The following KIAA0319 variants were observed in gnomAD, a reference collection of about 807,000 sequenced individuals.
The protein encoded by KIAA0319 is dyslexia-associated protein KIAA0319.
KIAA0319 carries 83 observed loss-of-function variants against 108.4 expected under a neutral mutation model. That is an observed-to-expected ratio of 0.77 (90% CI 0.64 to 0.92). The LOEUF (loss-of-function observed/expected upper bound fraction) is 0.92, where lower values mean the gene tolerates loss of function less well. Among genes scored for constraint, KIAA0319 ranks in the 40% least tolerant of loss-of-function variants. KIAA0319 has a pLI of 0.00. For synonymous variants in KIAA0319, 484 were observed against 510.4 expected, an observed-to-expected ratio of 0.95 and a Z score of 0.70; for missense variants, 1,195 against 1,322.4, an observed-to-expected ratio of 0.90 and a Z score of 1.49.
At chr6:24,580,626 G>A (rs535976946) in intron 7 of KIAA0319, among the ~76,000 whole-genome samples, 9 of 152,260 alleles carry the variant, frequency 5.9e-5, no homozygotes, top group South Asian at 2.1e-4. Flanking sequence ...GCTGAATCAC[G>A]GAGAGTGGAG....
chr6:24,541,054 C>T (rs910938012), downstream of KIAA0319, among the ~76,000 whole-genome samples: 3 of 152,152 alleles, frequency 2.0e-5, no homozygotes, highest in Non-Finnish European at 2.9e-5. Flanking sequence ...CTAGGAAATC[C>T]CTGGCAGTAC....
At chr6:24,568,599 C>T (rs901940792) in intron 13 of KIAA0319, among the ~76,000 whole-genome samples, 182 bp downstream of exon 13, 2 of 152,164 alleles carry the variant, frequency 1.3e-5, no homozygotes, top group African/African-American at 4.8e-5. Context: ...TTGCAGAGGG[C>T]GACTGAGAAA....
In KIAA0319 at chr6:24,544,834, G is replaced by C. The variant is rs1760439713; in HGVS notation, c.*2331C>G. On this transcript the variant is annotated 3_prime_UTR_variant, in exon 21 of 21. Coordinates refer to ENST00000378214, the MANE Select transcript of KIAA0319 (RefSeq NM_014809.4). ...CTCGTGCTTTGTTCTGATGAGAAAT[G>C]GGGTGACAAGACAGGACTCACTTTC... 6.6e-6 allele frequency: 1 copy of C among 152,150 alleles called. No individual in the cohort carries two copies. The highest frequency in any genetic ancestry group is 1.5e-5 in the Non-Finnish European group (1 of 68,038). 9.4% of individuals were successfully genotyped at this position (152,150 alleles called of 1,614,324 possible).
At position 24,583,781 on chromosome 6, in the gene KIAA0319, T is replaced by C. The variant is rs990023151; in HGVS notation, c.995-79A>G. On this transcript the variant is annotated intron_variant, in intron 4 of 20. Transcript: ENST00000378214. Reference sequence around the variant, plus strand: ...TACTGCTCTACACTAGATCTGTTTTTGGTATCCATAAATTAAAATAACATA... The same window carrying C: ...TACTGCTCTACACTAGATCTGTTTTCGGTATCCATAAATTAAAATAACATA... The C allele has an allele frequency of 5.0e-5, 45 of 891,642 alleles. No individual in the cohort carries two copies. The Admixed American group carries it at 8.7e-4, about 17-fold the overall frequency. 55.2% of individuals were successfully genotyped at this position (891,642 alleles called of 1,614,324 possible). A position where few individuals can be genotyped will look rare whatever the true frequency, so the allele number is the denominator to read the frequency against.
At chr6:24,628,751 G>A (rs1365167760) in intron 1 of KIAA0319, among the ~76,000 whole-genome samples, 5 of 152,060 alleles carry the variant, frequency 3.3e-5, no homozygotes, top group Non-Finnish European at 7.4e-5. Context: ...TCTGATGGTG[G>A]CCGTCAATCC....
chr6:24,602,067 C>T (rs886724252), intron 1 of KIAA0319, among the ~76,000 whole-genome samples: 10 of 150,820 alleles, frequency 6.6e-5, no homozygotes, highest in South Asian at 4.2e-4. Flanking sequence ...ATCCAGGTTG[C>T]AGTGCAGTGG....
At chr6:24,582,386 A>C in intron 5 of KIAA0319, 40 bp from the exon 6 acceptor site, 1 of 1,196,668 alleles carries the variant, frequency 8.4e-7, no homozygotes, top group Non-Finnish European at 1.2e-6. Flanking sequence ...ATAAATTCTG[A>C]GAGGACACTA....
At chr6:24,632,145 T>C (rs551962921) in intron 1 of KIAA0319, among the ~76,000 whole-genome samples, 24 of 152,368 alleles carry the variant, frequency 1.6e-4, no homozygotes, top group Admixed American at 5.9e-4. Flanking sequence ...GGAAAGAAGG[T>C]AGAATATTGT....
chr6:24,570,469 T>C (rs1581983751), intron 11 of KIAA0319, among the ~76,000 whole-genome samples: 1 of 151,820 alleles, frequency 6.6e-6, no homozygotes, highest in Non-Finnish European at 1.5e-5. Context: ...GCGCCTGTAG[T>C]CCCAGCCACT....
chr6:24,580,922 T>A lies in KIAA0319; in HGVS notation c.1279+4A>T, dbSNP rs374538160. ...CAGGAGGTCATTCTCTTACACCGGC[T>A]TACCAGGCTTAACAGTGACATTGAC... On this transcript the variant is annotated splice_donor_region_variant and intron_variant, in intron 7 of 20. Coordinates refer to ENST00000378214, the MANE Select transcript of KIAA0319 (RefSeq NM_014809.4). 2 of 1,600,218 alleles carry A rather than the reference T, an allele frequency of 1.2e-6. No individual in the cohort carries two copies. The highest frequency in any genetic ancestry group is 1.7e-6 in the Non-Finnish European group (2 of 1,167,898).
chr6:24,553,294 T>TAC lies in KIAA0319; in HGVS notation c.2948+1245_2948+1246dup, dbSNP rs71544276. Among the ~76,000 whole-genome samples the TAC allele has an allele frequency of 9.2e-3, 835 of 91,054 alleles. 11 individuals carry two copies. Among genetic ancestry groups the TAC allele is most frequent in the East Asian group, 0.027 (92 of 3,470 alleles). The allele number at this position is 91,054 out of a possible 152,430, so 59.7% of individuals were successfully genotyped here. On this transcript the variant is annotated intron_variant, in intron 19 of 20. Transcript: ENST00000378214. ...AGATAGATATATATATATATATATA[T>TAC]ACACACACACACACACACACACACA... is the stretch of plus-strand genomic sequence containing the variant.
At chr6:24,631,812 A>C (rs1472874203) in intron 1 of KIAA0319, among the ~76,000 whole-genome samples, 1 of 152,228 alleles carries the variant, frequency 6.6e-6, no homozygotes, top group Non-Finnish European at 1.5e-5. Flanking sequence ...AACATGCCCC[A>C]AGGAAGGCTA....
At chr6:24,556,259 C>A (rs1395896433) in intron 18 of KIAA0319, among the ~76,000 whole-genome samples, 1 of 150,532 alleles carries the variant, frequency 6.6e-6, no homozygotes, top group African/African-American at 2.4e-5. Context: ...CCACTCACTG[C>A]AGACTCAACT....
rs2127464407 is a variant in KIAA0319, at chr6:24,572,707, T to C, written c.1735-9A>G. The C allele has an allele frequency of 6.3e-7, 1 of 1,588,622 alleles. No individual in the cohort carries two copies. Among genetic ancestry groups the C allele is most frequent in the South Asian group, 1.2e-5 (1 of 86,520 alleles). On this transcript the variant is annotated splice_polypyrimidine_tract_variant and intron_variant, in intron 10 of 20. Transcript: ENST00000378214. Reference sequence around the variant, plus strand: ...TATGGCGTCTGTACTCCCTAAGTAATAGCAAATACAAAAATAAAAACAAAA... The same window carrying C: ...TATGGCGTCTGTACTCCCTAAGTAACAGCAAATACAAAAATAAAAACAAAA...
intron 1 of KIAA0319, among the ~76,000 whole-genome samples, chr6:24,636,800 TTTC>T (rs1776265417): frequency 6.6e-6 from 1 of 152,210 alleles, no homozygotes; most frequent in African/African-American, 2.4e-5. Context: ...AAAAATTTTT[TTTC>T]TTTTTTTTTT....
downstream of KIAA0319, among the ~76,000 whole-genome samples, chr6:24,542,562 C>A (rs1760233589): frequency 6.6e-6 from 1 of 152,040 alleles, no homozygotes; most frequent in Non-Finnish European, 1.5e-5. Context: ...GAGACTCCCC[C>A]ATCTCTACAA....
At chr6:24,594,024 C>G (rs188475363) in intron 3 of KIAA0319, among the ~76,000 whole-genome samples, 1,716 of 148,356 alleles carry the variant, frequency 0.012, 30 homozygotes, top group African/African-American at 0.04. Flanking sequence ...TATGGTGAAA[C>G]CCCATCTCTA....
intron 1 of KIAA0319, among the ~76,000 whole-genome samples, chr6:24,605,387 A>G (rs1771257240): frequency 6.6e-6 from 1 of 152,192 alleles, no homozygotes; most frequent in Non-Finnish European, 1.5e-5. Context: ...GGATTACTTA[A>G]GACTTTCCTT....
intron 16 of KIAA0319, among the ~76,000 whole-genome samples, chr6:24,561,985 C>T (rs1581933313): frequency 6.6e-6 from 1 of 152,108 alleles, no homozygotes; most frequent in Non-Finnish European, 1.5e-5. Context: ...TTACAGGCGT[C>T]AGCCACCGCA....
Sources: gnomAD v4.1 joint callset for allele counts (sites outside exome capture counted in the v4.1 genomes callset) on GRCh38, gnomAD v4.1.1 for gene constraint, MANE v1.5 for transcripts, NCBI Gene and HGNC (gene_info 2026-07-23, HGNC 2026-07-21) for gene names.